PCDHGA8: variants seen among roughly 807,000 people sequenced by gnomAD.
The protein encoded by PCDHGA8 is protocadherin gamma subfamily A, 8.
Under a neutral mutation model 59.2 loss-of-function variants are expected in PCDHGA8, and 45 were observed. The observed-to-expected ratio is 0.76, with a 90% confidence interval of 0.60 to 0.98. The LOEUF is 0.98. PCDHGA8 is among the 50% of genes least tolerant of loss of function. The pLI, the probability that PCDHGA8 is intolerant of heterozygous loss-of-function variation, is 0.00. For missense variants in PCDHGA8, 1,257 were observed against 1,196.2 expected, an observed-to-expected ratio of 1.05 and a Z score of -0.75; for synonymous variants, 531 against 519.0, an observed-to-expected ratio of 1.02 and a Z score of -0.32.
chr5:141,490,042 G>C lies in PCDHGA8; in HGVS notation c.2425-4765G>C. 1 of 1,614,266 alleles carries C rather than the reference G, an allele frequency of 6.2e-7. No individual in the cohort carries two copies. Among genetic ancestry groups the C allele is most frequent in the Non-Finnish European group, 8.5e-7 (1 of 1,180,038 alleles). The stretch of plus-strand genomic sequence containing the variant: ...TCTGCTGCTCCGCCTCAATGCCACT[G>C]ATCCAGACGAGGGCACCAACGGCCA... On this transcript the variant is annotated intron_variant, in intron 1 of 3. Coordinates refer to ENST00000398604, the MANE Select transcript of PCDHGA8 (RefSeq NM_032088.2). This position sits in a 1 kb window ranked among gnomAD's most constrained non-coding sequence, Gnocchi z 5.4.
chr5:141,461,228 A>C (rs1472527415), intron 1 of PCDHGA8, among the ~76,000 whole-genome samples: 1 of 151,976 alleles, frequency 6.6e-6, no homozygotes, highest in Non-Finnish European at 1.5e-5. Flanking sequence ...TTTTCCATAG[A>C]GGTTGTACTA....
intron 1 of PCDHGA8, chr5:141,419,395 G>A: frequency 6.2e-7 from 1 of 1,613,596 alleles, no homozygotes; most frequent in Non-Finnish European, 8.5e-7. Context: ...CGCAGAGCGG[G>A]GTGGTGTTCG....
intron 1 of PCDHGA8, chr5:141,404,120 C>T (rs1224189151): frequency 1.2e-6 from 2 of 1,613,312 alleles, no homozygotes; most frequent in East Asian, 4.5e-5. Flanking sequence ...CCAGGAGAAT[C>T]TATCTTTTAC....
intron 2 of PCDHGA8, among the ~76,000 whole-genome samples, chr5:141,502,352 C>G (rs544911376): frequency 3.2e-4 from 49 of 151,888 alleles, no homozygotes; most frequent in African/African-American, 1.2e-3. Flanking sequence ...TTTTTAATGA[C>G]ATGGATATTT....
At chr5:141,417,556 A>C (rs1240389709) in intron 1 of PCDHGA8, 1 of 333,096 alleles carries the variant, frequency 3.0e-6, no homozygotes, top group Non-Finnish European at 5.4e-6. Context: ...TGAAAGAGGT[A>C]GAGAAAAGTC....
intron 1 of PCDHGA8, chr5:141,415,759 T>TTG (rs2095938229): frequency 3.7e-6 from 5 of 1,352,054 alleles, no homozygotes; most frequent in Non-Finnish European, 4.8e-6. Flanking sequence ...TTTTTTTTTT[T>TTG]TTTTTTTTTT....
intron 1 of PCDHGA8, among the ~76,000 whole-genome samples, chr5:141,459,937 G>A (rs904431112): frequency 6.6e-6 from 1 of 152,132 alleles, no homozygotes; most frequent in Non-Finnish European, 1.5e-5. Flanking sequence ...TTGTAGCTGG[G>A]CGTGATGGCA....
chr5:141,500,005 G>A (rs994274763), intron 2 of PCDHGA8, among the ~76,000 whole-genome samples: 30 of 151,476 alleles, frequency 2.0e-4, no homozygotes, highest in Non-Finnish European at 3.8e-4. Context: ...TCTTTCATAA[G>A]GTCCACATTT....
chr5:141,468,853 G>A (rs893773356), intron 1 of PCDHGA8, among the ~76,000 whole-genome samples: 7 of 151,000 alleles, frequency 4.6e-5, no homozygotes, highest in Admixed American at 6.6e-5. Context: ...GCAACAGAGC[G>A]AGACTCCATC....
rs1390739125 is a variant in PCDHGA8 at position 141,490,094 on chromosome 5, C to T, written c.2425-4713C>T. ...CTAGACTATTCTTTTGGAGACCACA[C>T]ATCTGAGGCAGTGCGGAACCTCTTT... On this transcript the variant is annotated intron_variant, in intron 1 of 3. Coordinates refer to ENST00000398604, the MANE Select transcript of PCDHGA8 (RefSeq NM_032088.2). This position sits in a 1 kb window ranked among gnomAD's most constrained non-coding sequence, Gnocchi z 5.4. 1 of 1,614,250 alleles carries T rather than the reference C, an allele frequency of 6.2e-7. No individual in the cohort carries two copies. The highest frequency in any genetic ancestry group is 2.2e-5 in the East Asian group (1 of 44,888).
At chr5:141,403,276 C>T (rs1331205396) in intron 1 of PCDHGA8, 3 of 1,613,844 alleles carry the variant, frequency 1.9e-6, no homozygotes, top group Non-Finnish European at 2.5e-6. Context: ...ACTTTAAAGT[C>T]CTGGTTGAAG....
At chr5:141,500,546 G>A (rs1428503967) in intron 2 of PCDHGA8, among the ~76,000 whole-genome samples, 1 of 152,126 alleles carries the variant, frequency 6.6e-6, no homozygotes, top group African/African-American at 2.4e-5. Context: ...ACCTAAATAA[G>A]TTGTTCACAA....
chr5:141,474,499 C>T (rs1480109147), intron 1 of PCDHGA8, among the ~76,000 whole-genome samples: 1 of 152,198 alleles, frequency 6.6e-6, no homozygotes, highest in Non-Finnish European at 1.5e-5. Context: ...TCTTCTAATG[C>T]CTATCAGCCC....
rs547854431 is a variant in PCDHGA8, at chr5:141,476,383, C to A, written c.2425-18424C>A. 1.2e-6 allele frequency: 2 copies of A among 1,614,102 alleles called. No homozygotes were observed. Among genetic ancestry groups the A allele is most frequent in the African/African-American group, 1.3e-5 (1 of 75,014 alleles). On this transcript the variant is annotated intron_variant, in intron 1 of 3. Transcript: ENST00000398604. The surrounding 1 kb of genome is among the most constrained non-coding windows in gnomAD (Gnocchi z 7.6). ...GGGAGACCGGAGAGATGTTTGTGAA[C>A]GACCGTCTGGATCGAGAGGAGCTGT...
Position 141,490,241 on chromosome 5 carries a change from G to T in PCDHGA8, c.2425-4566G>T. 2 of 1,614,246 alleles carry T rather than the reference G, an allele frequency of 1.2e-6. No individual in the cohort carries two copies. Among genetic ancestry groups the T allele is most frequent in the Non-Finnish European group, 1.7e-6 (2 of 1,180,048 alleles). On this transcript the variant is annotated intron_variant, in intron 1 of 3. Transcript: ENST00000398604. This position sits in a 1 kb window ranked among gnomAD's most constrained non-coding sequence, Gnocchi z 5.4. Reference sequence around the variant, plus strand: ...GGACAGCCTGCCATGGAGGGCCACTGTGTGATTCAAGTGGATGTGGGGGAT... The same window carrying T: ...GGACAGCCTGCCATGGAGGGCCACTTTGTGATTCAAGTGGATGTGGGGGAT...
rs61612330 is a variant in PCDHGA8, at chr5:141,454,796, A to ATTTTTTTTTTTTTTTTTTTTTTTTTT, written c.2425-40007_2425-39982dup. Among the ~76,000 whole-genome samples, 3 of 77,456 alleles carry ATTTTTTTTTTTTTTTTTTTTTTTTTT rather than the reference A, an allele frequency of 3.9e-5. 1 individual carries two copies. The highest frequency in any genetic ancestry group is 1.2e-4 in the African/African-American group (2 of 16,882). 50.8% of individuals were successfully genotyped at this position (77,456 alleles called of 152,430 possible). A position where few individuals can be genotyped will look rare whatever the true frequency, so the allele number is the denominator to read the frequency against. On this transcript the variant is annotated intron_variant, in intron 1 of 3. Transcript: ENST00000398604. Reference sequence around the variant, plus strand: ...AAGGAAATAATCCTCCATGGTTCTAATTTTTTTTTTTTTTTTTTTTTTTTT... The same window carrying ATTTTTTTTTTTTTTTTTTTTTTTTTT: ...AAGGAAATAATCCTCCATGGTTCTAATTTTTTTTTTTTTTTTTTTTTTTTTTTTTTTTTTTTTTTTTTTTTTTTTTT...
rs763187246 is a variant in PCDHGA8 at position 141,477,168 on chromosome 5, A to G, written c.2425-17639A>G. ...GTGGATGTGAATGACAACGCCCCGGAGATCACAGTCACCTCCGTGTACAGC... is the reference window on the plus strand; with the variant it reads ...GTGGATGTGAATGACAACGCCCCGGGGATCACAGTCACCTCCGTGTACAGC... On this transcript the variant is annotated intron_variant, in intron 1 of 3. Transcript: ENST00000398604. The surrounding 1 kb of genome is among the most constrained non-coding windows in gnomAD (Gnocchi z 4.9). The G allele has an allele frequency of 6.2e-7, 1 of 1,614,210 alleles. No homozygotes were observed. Among genetic ancestry groups the G allele is most frequent in the Non-Finnish European group, 8.5e-7 (1 of 1,180,040 alleles).
intron 1 of PCDHGA8, chr5:141,427,624 C>T (rs2097051687): frequency 1.4e-6 from 1 of 698,516 alleles, no homozygotes; most frequent in South Asian, 1.5e-5. Context: ...AACGACAATG[C>T]TCCGGTTTTC....
In PCDHGA8 at chr5:141,421,238, G is replaced by C. The variant is rs920128735; in HGVS notation, c.2424+26001G>C. 3.1e-6 allele frequency: 5 copies of C among 1,597,422 alleles called. No individual in the cohort carries two copies. Among genetic ancestry groups the C allele is most frequent in the African/African-American group, 2.7e-5 (2 of 74,378 alleles). ...GGCTTAGAGCCTGCCATGGCGAATC[G>C]GCTACAGCGCGGGGACCGCAGTCGG... On this transcript the variant is annotated intron_variant, in intron 1 of 3. Transcript: ENST00000398604.
Sources: gnomAD v4.1 joint callset for allele counts (sites outside exome capture counted in the v4.1 genomes callset) on GRCh38, gnomAD v4.1.1 for gene constraint, Gnocchi (gnomAD v3.1) non-coding constraint, MANE v1.5 for transcripts, NCBI Gene and HGNC (gene_info 2026-07-23, HGNC 2026-07-21) for gene names.